PDGFD: variants seen among roughly 807,000 people sequenced by gnomAD.
The protein encoded by PDGFD is platelet derived growth factor D, also known as platelet-derived growth factor D.
PDGFD carries 30 observed loss-of-function variants against 44.7 expected under a neutral mutation model. That is an observed-to-expected ratio of 0.67 (90% CI 0.50 to 0.91). The LOEUF (loss-of-function observed/expected upper bound fraction) is 0.91, where lower values mean the gene tolerates loss of function less well. Among genes scored for constraint, PDGFD ranks in the 40% least tolerant of loss-of-function variants. The pLI, the probability that PDGFD is intolerant of heterozygous loss-of-function variation, is 0.00. For missense variants in PDGFD, 445 were observed against 457.8 expected (o/e 0.97, Z 0.25); for synonymous variants, 173 against 168.4 (o/e 1.03, Z -0.21).
intron 1 of PDGFD, among the ~76,000 whole-genome samples, chr11:104,035,617 T>A (rs928135917): frequency 6.7e-6 from 1 of 148,512 alleles, no homozygotes; most frequent in Admixed American, 6.8e-5. Context: ...TAATATTTAA[T>A]ATTTAAACTC....
rs189449039 is a variant in PDGFD, at chr11:103,967,632, T to G, written c.511-19908A>C. On this transcript the variant is annotated intron_variant, in intron 3 of 6. Transcript: ENST00000393158. ...TTAATACTCCCTTGCCACCTGGCTGTTCAGTGGCATTCACCCTTCAAAACC... is the reference window on the plus strand; with the variant it reads ...TTAATACTCCCTTGCCACCTGGCTGGTCAGTGGCATTCACCCTTCAAAACC... Among the ~76,000 whole-genome samples the G allele has an allele frequency of 9.9e-5, 15 of 152,256 alleles. No homozygotes were observed. In the East Asian group the frequency reaches 2.7e-3, roughly 27 times the overall value.
chr11:104,049,347 A>C (rs754051580), intron 1 of PDGFD, among the ~76,000 whole-genome samples: 2 of 152,140 alleles, frequency 1.3e-5, no homozygotes, highest in Non-Finnish European at 2.9e-5. Context: ...CAAAGACTTA[A>C]AGCAGGAAGA....
chr11:103,955,986 A>G (rs1332960573), intron 3 of PDGFD, among the ~76,000 whole-genome samples: 1 of 151,038 alleles, frequency 6.6e-6, no homozygotes, highest in African/African-American at 2.4e-5. Flanking sequence ...TTAAAAGTTC[A>G]TTTTTCTTCC....
chr11:103,932,339 T>C (rs1242924996), intron 5 of PDGFD, among the ~76,000 whole-genome samples: 2 of 152,182 alleles, frequency 1.3e-5, no homozygotes, highest in Non-Finnish European at 2.9e-5. Context: ...TGGTAGATAA[T>C]ACTGACCAAC....
At chr11:104,126,464 G>A (rs145883888) in intron 1 of PDGFD, among the ~76,000 whole-genome samples, 2 of 152,154 alleles carry the variant, frequency 1.3e-5, no homozygotes, top group Non-Finnish European at 2.9e-5. Context: ...ACTATTCATC[G>A]GGTCTTTTTA....
At chr11:104,020,155 T>C (rs1434880573) in intron 1 of PDGFD, among the ~76,000 whole-genome samples, 1 of 152,028 alleles carries the variant, frequency 6.6e-6, no homozygotes, top group East Asian at 1.9e-4. Context: ...CTTCAGAGAG[T>C]AGAAGCAACA....
At chr11:104,006,358 C>T (rs951378663) in intron 1 of PDGFD, among the ~76,000 whole-genome samples, 2 of 152,178 alleles carry the variant, frequency 1.3e-5, no homozygotes, top group African/African-American at 4.8e-5. Context: ...GCTTCTTATT[C>T]CTACTTTCCT....
intron 1 of PDGFD, among the ~76,000 whole-genome samples, chr11:104,101,752 G>C (rs1030740341): frequency 5.9e-5 from 9 of 151,900 alleles, no homozygotes. Flanking sequence ...GAACAGAACA[G>C]AGCCCCCAGA....
At chr11:104,018,383 G>A (rs1247578254) in intron 1 of PDGFD, among the ~76,000 whole-genome samples, 1 of 152,092 alleles carries the variant, frequency 6.6e-6, no homozygotes, top group Non-Finnish European at 1.5e-5. Context: ...AAATATGTTT[G>A]ATTTTCCATC....
intron 1 of PDGFD, among the ~76,000 whole-genome samples, chr11:104,062,949 C>T (rs1020101760): frequency 5.9e-5 from 9 of 152,218 alleles, no homozygotes; most frequent in South Asian, 4.2e-4. Flanking sequence ...CTTCTCTGAA[C>T]CACAATAAAA....
chr11:104,113,103 AT>A (rs1028113275), intron 1 of PDGFD, among the ~76,000 whole-genome samples: 1 of 152,192 alleles, frequency 6.6e-6, no homozygotes, highest in African/African-American at 2.4e-5. Flanking sequence ...TGGCATTGAT[AT>A]TTTTTAGAAG....
rs1266636517 is a variant in PDGFD at position 104,109,605 on chromosome 11, T to C, written c.124+54199A>G. Among the ~76,000 whole-genome samples, 3 of 152,266 alleles carry C rather than the reference T, an allele frequency of 2.0e-5. No individual in the cohort carries two copies. In the East Asian group the frequency reaches 5.8e-4, roughly 29 times the overall value. Reference sequence around the variant, plus strand: ...CACAAAGAATATACAAGAATATTTGTTGCAATTTGTAATAATGAAAGACTG... The same window carrying C: ...CACAAAGAATATACAAGAATATTTGCTGCAATTTGTAATAATGAAAGACTG... On this transcript the variant is annotated intron_variant, in intron 1 of 6. Coordinates refer to ENST00000393158, the MANE Select transcript of PDGFD (RefSeq NM_025208.5).
At chr11:104,117,393 A>C (rs1031909892) in intron 1 of PDGFD, among the ~76,000 whole-genome samples, 1 of 152,056 alleles carries the variant, frequency 6.6e-6, no homozygotes, top group Non-Finnish European at 1.5e-5. Flanking sequence ...GCAATCAGAC[A>C]AGAGAAAGAA....
chr11:103,922,555 C>CG (rs1555033633), intron 6 of PDGFD, among the ~76,000 whole-genome samples: 2 of 151,712 alleles, frequency 1.3e-5, no homozygotes, highest in African/African-American at 4.8e-5. Context: ...AATTCCCCCC[C>CG]GCCTTTTTGT....
chr11:103,970,964 T>A (rs1051730220), intron 3 of PDGFD, among the ~76,000 whole-genome samples: 1 of 152,156 alleles, frequency 6.6e-6, no homozygotes, highest in African/African-American at 2.4e-5. Context: ...TATTCAAAGA[T>A]ATACCTCTGG....
rs1335315222 is a variant in PDGFD at position 104,163,806 on chromosome 11, T to C, written c.122A>G (p.Asp41Gly). ...AAAAAATAAAATGAGTCTCTTACCA[T>C]CTCGCCTGAGGTTGGCGTTGCGCAA... ...KALRNANLRR[D>G]ESNHLTDLYR... Residue 41 changes from aspartate to glycine, a missense_variant and splice_region_variant, in exon 1 of 7, where the codon GAT becomes GGT. Asp to Gly is a moderately conservative substitution (Grantham distance 94). Transcript: ENST00000393158. The C allele has an allele frequency of 3.3e-6, 5 of 1,534,950 alleles. No individual in the cohort carries two copies. The African/African-American group carries it at 6.8e-5, about 21-fold the overall frequency.
chr11:104,018,126 C>T (rs955713468), intron 1 of PDGFD, among the ~76,000 whole-genome samples: 2 of 151,850 alleles, frequency 1.3e-5, no homozygotes, highest in Non-Finnish European at 2.9e-5. Flanking sequence ...TACATTGTCC[C>T]CCAATTGCAC....
chr11:104,113,394 C>A (rs1430422590), intron 1 of PDGFD, among the ~76,000 whole-genome samples: 2 of 152,002 alleles, frequency 1.3e-5, no homozygotes, highest in African/African-American at 2.4e-5. Flanking sequence ...CAGAGTGATG[C>A]ATGTAATGTG....
intron 1 of PDGFD, among the ~76,000 whole-genome samples, chr11:104,085,584 T>C (rs1565330422): frequency 1.3e-5 from 2 of 152,202 alleles, no homozygotes. Context: ...TATTTACTTA[T>C]TTATTCACTT....
Sources: gnomAD v4.1 joint callset for allele counts (sites outside exome capture counted in the v4.1 genomes callset) on GRCh38, gnomAD v4.1.1 for gene constraint, MANE v1.5 for transcripts, NCBI Gene and HGNC (gene_info 2026-07-23, HGNC 2026-07-21) for gene names.